GPR137C: variants seen among roughly 807,000 people sequenced by gnomAD.
GPR137C encodes integral membrane protein GPR137C.
A neutral mutation model predicts 43.4 loss-of-function variants in GPR137C; 27 were observed. That is an observed-to-expected ratio of 0.62 (90% CI 0.46 to 0.86). GPR137C has a LOEUF of 0.86. Ranked by LOEUF, GPR137C falls within the 40% of genes least tolerant of loss-of-function variation. The pLI is 0.00. For synonymous variants in GPR137C, 285 were observed against 226.9 expected, an observed-to-expected ratio of 1.26 and a Z score of -2.30; for missense variants, 522 against 534.6, an observed-to-expected ratio of 0.98 and a Z score of 0.23.
chr14:52,621,980 A>C (rs1324418895), intron 3 of GPR137C, among the ~76,000 whole-genome samples: 2 of 151,912 alleles, frequency 1.3e-5, no homozygotes, highest in African/African-American at 4.8e-5. Flanking sequence ...AAACAAAATA[A>C]TACTGAGAAG....
chr14:52,633,963 C>A lies in GPR137C; in HGVS notation c.1112+17C>A. On this transcript the variant is annotated intron_variant, in intron 6 of 6. Coordinates refer to ENST00000321662, the MANE Select transcript of GPR137C (RefSeq NM_001099652.2). Reference sequence around the variant, plus strand: ...AGAAGGAAGGTAGATGTAACAAAGCCACTTAGCCTGAATTACTATTGAAAT... The same window carrying A: ...AGAAGGAAGGTAGATGTAACAAAGCAACTTAGCCTGAATTACTATTGAAAT... The A allele has an allele frequency of 7.3e-7, 1 of 1,371,858 alleles. No individual in the cohort carries two copies. The highest frequency in any genetic ancestry group is 1.0e-6 in the Non-Finnish European group (1 of 962,738). 85.0% of individuals were successfully genotyped at this position (1,371,858 alleles called of 1,614,324 possible). A position where few individuals can be genotyped will look rare whatever the true frequency, so the allele number is the denominator to read the frequency against.
intron 1 of GPR137C, among the ~76,000 whole-genome samples, chr14:52,595,967 G>A (rs1292692335): frequency 2.0e-5 from 3 of 152,126 alleles, no homozygotes; most frequent in Non-Finnish European, 4.4e-5. Context: ...ATTTACCTTT[G>A]GTCTTTGATG....
intron 1 of GPR137C, among the ~76,000 whole-genome samples, chr14:52,565,715 A>G (rs2038359043): frequency 6.6e-6 from 1 of 152,176 alleles, no homozygotes; most frequent in Admixed American, 6.5e-5. Context: ...TTCATGGAAC[A>G]TTTCATCTAA....
rs570764099 is a variant in GPR137C, at chr14:52,553,266, C to T, written c.119C>T (p.Ala40Val). Residue 40 changes from alanine to valine, a missense_variant, in exon 1 of 7, where the codon GCG (alanine) becomes GTG (valine). By Grantham distance (64) the Ala-to-Val change is moderately conservative (BLOSUM62 0). Transcript: ENST00000321662. ...GCCGTCGCTGCAGCCTCAGGCGCCG[C>T]GGTGCCGGGCTCCGTGCAGTTGGCG... Reference protein sequence around the residue: ...GGAVAAASGAAVPGSVQLALS... With the variant: ...GGAVAAASGAVVPGSVQLALS... 3 of 1,404,380 alleles carry T rather than the reference C, an allele frequency of 2.1e-6. No individual in the cohort carries two copies. The highest frequency in any genetic ancestry group is 1.5e-5 in the South Asian group (1 of 67,470). The allele number at this position is 1,404,380 out of a possible 1,614,324, so 87.0% of individuals were successfully genotyped here.
At chr14:52,576,020 A>G (rs1217051652) in intron 1 of GPR137C, among the ~76,000 whole-genome samples, 2 of 152,188 alleles carry the variant, frequency 1.3e-5, no homozygotes, top group African/African-American at 4.8e-5. Flanking sequence ...GAGCATCCAC[A>G]TGGCTGACTT....
intron 6 of GPR137C, 25 bp from the exon 7 acceptor site, chr14:52,634,913 T>C (rs746230706): frequency 2.5e-5 from 40 of 1,608,122 alleles, no homozygotes; most frequent in Non-Finnish European, 3.3e-5. Flanking sequence ...AGTCCTATGG[T>C]CTTTTTGCCT....
chr14:52,563,477 A>G (rs1269830708), intron 1 of GPR137C, among the ~76,000 whole-genome samples: 1 of 152,110 alleles, frequency 6.6e-6, no homozygotes, highest in East Asian at 1.9e-4. Context: ...CCCTACACCT[A>G]TATGCATCAA....
chr14:52,556,883 CTTTCAGTTTGG>C (rs1320115618), intron 1 of GPR137C, among the ~76,000 whole-genome samples: 5 of 151,956 alleles, frequency 3.3e-5, no homozygotes, highest in Non-Finnish European at 5.9e-5. Context: ...GAAGTTCTTA[CTTTCAGTTTGG>C]TCTTAGGAGT....
At chr14:52,571,161 TAGAACTCAGGATTA>T (rs563274585) in intron 1 of GPR137C, among the ~76,000 whole-genome samples, 1 of 152,196 alleles carries the variant, frequency 6.6e-6, no homozygotes, top group East Asian at 1.9e-4. Context: ...GCAATCAAAT[TAGAACTCAGGATTA>T]AGAAACTCAC....
intron 3 of GPR137C, chr14:52,611,634 A>G: frequency 1.9e-6 from 1 of 539,380 alleles, no homozygotes; most frequent in Non-Finnish European, 2.4e-6. Context: ...ACTTTTTAGT[A>G]TCTTTTCAGG....
intron 3 of GPR137C, among the ~76,000 whole-genome samples, chr14:52,600,975 A>G (rs1249058089): frequency 6.6e-6 from 1 of 152,226 alleles, no homozygotes; most frequent in Non-Finnish European, 1.5e-5. Flanking sequence ...GATATTTGAA[A>G]CAACTAATTG....
intron 1 of GPR137C, among the ~76,000 whole-genome samples, chr14:52,557,099 C>T (rs2038206613): frequency 6.6e-6 from 1 of 152,042 alleles, no homozygotes; most frequent in South Asian, 2.1e-4. Flanking sequence ...TTGTTCTGTT[C>T]TTTGATTTCC....
chr14:52,606,618 T>C (rs1010459516), intron 3 of GPR137C, among the ~76,000 whole-genome samples: 1 of 152,124 alleles, frequency 6.6e-6, no homozygotes, highest in African/African-American at 2.4e-5. Context: ...TTAAATTTTT[T>C]GTAGACAGAA....
intron 1 of GPR137C, among the ~76,000 whole-genome samples, chr14:52,570,345 A>T (rs1170097322): frequency 6.6e-6 from 1 of 152,218 alleles, no homozygotes; most frequent in African/African-American, 2.4e-5. Flanking sequence ...TTCTGAAGGA[A>T]GCACTAAATA....
At chr14:52,593,824 G>C (rs1314918244) in intron 1 of GPR137C, among the ~76,000 whole-genome samples, 3 of 151,850 alleles carry the variant, frequency 2.0e-5, no homozygotes, top group African/African-American at 7.3e-5. Flanking sequence ...TCATGTCTCT[G>C]TCTCCCTCAG....
intron 1 of GPR137C, among the ~76,000 whole-genome samples, chr14:52,578,508 C>T (rs1350241199): frequency 6.6e-6 from 1 of 152,112 alleles, no homozygotes; most frequent in Non-Finnish European, 1.5e-5. Flanking sequence ...TGTTCATGAG[C>T]TCCATATCTA....
rs1449568467 is a variant in GPR137C, at chr14:52,614,888, G to GT, written c.717+14554dup. Among the ~76,000 whole-genome samples the GT allele has an allele frequency of 1.1e-4, 16 of 152,242 alleles. No individual in the cohort carries two copies. The South Asian group carries it at 2.5e-3, about 24-fold the overall frequency. ...CTTGTCAGATGAGTAGTTTGCAAAT[G>GT]TTTTTTTCCATTCTGTGGGTTGTCT... On this transcript the variant is annotated intron_variant, in intron 3 of 6. Transcript: ENST00000321662.
At position 52,600,213 on chromosome 14, in the gene GPR137C, T is replaced by C. The variant is rs1281696286; in HGVS notation, c.589T>C (p.Leu197=). Residue 197 remains leucine (L), a synonymous_variant, in exon 3 of 7, where the codon TTG becomes CTG. Coordinates refer to ENST00000321662, the MANE Select transcript of GPR137C (RefSeq NM_001099652.2). ...LVHGDVPENQ[L]KWTVFVRALI... ...TCATGGAGATGTCCCAGAAAATCAG[T>C]TGAAGTGGACTGTGTTTGTTCGAGC... 12 of 1,613,704 alleles carry C rather than the reference T, an allele frequency of 7.4e-6. No individual in the cohort carries two copies. The highest frequency in any genetic ancestry group is 1.0e-5 in the Non-Finnish European group (12 of 1,179,746).
chr14:52,635,174 T>A lies in GPR137C; in HGVS notation c.*59T>A. ...TTCATAAATGTGTATATTCAATGTG[T>A]TTAAATTCCATCTACATAAACATTC... On this transcript the variant is annotated 3_prime_UTR_variant, in exon 7 of 7. Coordinates refer to ENST00000321662, the MANE Select transcript of GPR137C (RefSeq NM_001099652.2). The A allele has an allele frequency of 7.5e-7, 1 of 1,326,136 alleles. No individual in the cohort carries two copies. Among genetic ancestry groups the A allele is most frequent in the Non-Finnish European group, 1.0e-6 (1 of 985,090 alleles). The allele number at this position is 1,326,136 out of a possible 1,614,324, so 82.1% of individuals were successfully genotyped here. A position where few individuals can be genotyped will look rare whatever the true frequency, so the allele number is the denominator to read the frequency against.
Sources: gnomAD v4.1 joint callset for allele counts (sites outside exome capture counted in the v4.1 genomes callset) on GRCh38, gnomAD v4.1.1 for gene constraint, MANE v1.5 for transcripts, NCBI Gene and HGNC (gene_info 2026-07-23, HGNC 2026-07-21) for gene names.